The following DNAJC1 variants were observed in gnomAD, a reference collection of about 807,000 sequenced individuals.
DNAJC1 encodes DnaJ heat shock protein family (Hsp40) member C1.
In DNAJC1, 58 loss-of-function variants were observed where a neutral mutation model predicts 76.6. The ratio of observed to expected loss-of-function variants is 0.76; its 90% confidence interval spans 0.61 to 0.94. The LOEUF is 0.94. DNAJC1 is among the 40% of genes least tolerant of loss of function. DNAJC1 has a pLI of 0.00. For synonymous variants in DNAJC1, 258 were observed against 267.9 expected, an observed-to-expected ratio of 0.96 and a Z score of 0.36; for missense variants, 689 against 677.3, an observed-to-expected ratio of 1.02 and a Z score of -0.19.
intron 8 of DNAJC1, among the ~76,000 whole-genome samples, chr10:21,845,249 T>C (rs1189074293): frequency 6.6e-6 from 1 of 152,076 alleles, no homozygotes; most frequent in Non-Finnish European, 1.5e-5. Context: ...TAGATTCTGA[T>C]CTTCCATCAA....
Position 22,003,343 on chromosome 10 carries a change from A to C in DNAJC1, c.92T>G (p.Leu31Arg). Reference protein sequence around the residue: ...PFPPPPPRTPLLWLLLLLLAA... With the variant: ...PFPPPPPRTPRLWLLLLLLAA... Reference sequence around the variant, plus strand: ...CAGCAGCAGCAGCAGCAGCCACAGCAGCGGCGTCCGCGGCGGCGGCGGCGG... The same window carrying C: ...CAGCAGCAGCAGCAGCAGCCACAGCCGCGGCGTCCGCGGCGGCGGCGGCGG... Residue 31 changes from leucine to arginine, a missense_variant, in exon 1 of 12, where the codon CTG becomes CGG. By Grantham distance (102) the Leu-to-Arg change is moderately radical. Coordinates refer to ENST00000376980, the MANE Select transcript of DNAJC1 (RefSeq NM_022365.4). 1 of 1,448,896 alleles carries C rather than the reference A, an allele frequency of 6.9e-7. No homozygotes were observed. The highest frequency in any genetic ancestry group is 1.5e-5 in the African/African-American group (1 of 66,676). 89.8% of individuals were successfully genotyped at this position (1,448,896 alleles called of 1,614,324 possible). A position where few individuals can be genotyped will look rare whatever the true frequency, so the allele number is the denominator to read the frequency against.
Position 21,759,150 on chromosome 10 carries a change from CCT to C in DNAJC1, c.1596+18_1596+19del. ...TGGGATTCTAACACCTGTGCAGAGG[CCT>C]CTTTCCCCATCACTCACCTTGCTCT... On this transcript the variant is annotated intron_variant, in intron 11 of 11. Coordinates refer to ENST00000376980, the MANE Select transcript of DNAJC1 (RefSeq NM_022365.4). 1 of 1,602,916 alleles carries C rather than the reference CCT, an allele frequency of 6.2e-7. No individual in the cohort carries two copies.
intron 1 of DNAJC1, among the ~76,000 whole-genome samples, chr10:21,972,600 T>C (rs1837999344): frequency 6.6e-6 from 1 of 152,044 alleles, no homozygotes. Context: ...GTTAAATTAA[T>C]CTAATACTTT....
chr10:21,936,780 T>C (rs1375720186), intron 1 of DNAJC1, among the ~76,000 whole-genome samples: 1 of 151,646 alleles, frequency 6.6e-6, no homozygotes, highest in Non-Finnish European at 1.5e-5. Context: ...AATATAAAGA[T>C]CTACAGTAAA....
chr10:21,992,431 T>C (rs897534956), intron 1 of DNAJC1, among the ~76,000 whole-genome samples: 2 of 152,138 alleles, frequency 1.3e-5, no homozygotes, highest in Non-Finnish European at 2.9e-5. Context: ...TGCACTCCTG[T>C]AATCCTAGCT....
intron 10 of DNAJC1, among the ~76,000 whole-genome samples, chr10:21,762,964 C>T (rs1215280586): frequency 1.3e-5 from 2 of 152,220 alleles, no homozygotes; most frequent in African/African-American, 2.4e-5. Flanking sequence ...CAGTCTCGCT[C>T]TGTTGCCCAG....
chr10:21,761,641 G>C (rs7910002), intron 10 of DNAJC1, among the ~76,000 whole-genome samples: 102,629 of 151,942 alleles, frequency 0.68, 35,017 homozygotes, highest in East Asian at 0.95. Flanking sequence ...CTGCATTCCT[G>C]GTCTGCTCTG....
chr10:21,881,326 C>G (rs963286597), intron 8 of DNAJC1, among the ~76,000 whole-genome samples: 1 of 152,178 alleles, frequency 6.6e-6, no homozygotes, highest in Non-Finnish European at 1.5e-5. Context: ...AAGAATGTGT[C>G]CTTTGCATTT....
chr10:21,870,248 T>C (rs563037777), intron 8 of DNAJC1, among the ~76,000 whole-genome samples: 1 of 152,192 alleles, frequency 6.6e-6, no homozygotes, highest in Admixed American at 6.5e-5. Context: ...TACTTAACAA[T>C]ATTCATTTGT....
chr10:21,895,316 CGTTAG>C (rs1836524164), intron 7 of DNAJC1, among the ~76,000 whole-genome samples: 1 of 152,018 alleles, frequency 6.6e-6, no homozygotes, highest in Admixed American at 6.6e-5. Context: ...TCTGATAAGG[CGTTAG>C]TTGGAAATGA....
At chr10:21,810,849 A>G (rs1834952438) in intron 8 of DNAJC1, among the ~76,000 whole-genome samples, 1 of 152,118 alleles carries the variant, frequency 6.6e-6, no homozygotes, top group Non-Finnish European at 1.5e-5. Flanking sequence ...ATATAACTGA[A>G]ATTACTGACT....
At chr10:21,887,861 T>G (rs188194655) in intron 7 of DNAJC1, among the ~76,000 whole-genome samples, 52 of 152,002 alleles carry the variant, frequency 3.4e-4, no homozygotes, top group Admixed American at 1.8e-3. Flanking sequence ...CAAAAGCAAT[T>G]GAAACAAAAG....
intron 8 of DNAJC1, among the ~76,000 whole-genome samples, chr10:21,811,932 T>G (rs1259776027): frequency 6.6e-6 from 1 of 152,224 alleles, no homozygotes; most frequent in Admixed American, 6.5e-5. Flanking sequence ...CAGCAATGCA[T>G]GAGCATTCTT....
intron 1 of DNAJC1, among the ~76,000 whole-genome samples, chr10:21,977,599 T>C (rs953105919): frequency 9.8e-5 from 15 of 152,298 alleles, no homozygotes; most frequent in African/African-American, 3.6e-4. Flanking sequence ...TTAGAATTGA[T>C]TCCCAGTGCA....
rs1836970434 is a variant in DNAJC1 at position 21,917,113 on chromosome 10, CAA to C, written c.729+1664_729+1665del. Among the ~76,000 whole-genome samples the C allele has an allele frequency of 3.3e-5, 5 of 152,030 alleles. No individual in the cohort carries two copies. The South Asian group carries it at 1.0e-3, about 32-fold the overall frequency. On this transcript the variant is annotated intron_variant, in intron 6 of 11. Transcript: ENST00000376980. ...TCAAGTAAGTAAAAACTTTAAAATTCAAAGTGATCAGTTAAAAAAAGCAGAGT... is the reference window on the plus strand; with the variant it reads ...TCAAGTAAGTAAAAACTTTAAAATTCAGTGATCAGTTAAAAAAAGCAGAGT...
chr10:21,831,414 T>C (rs537177139), intron 8 of DNAJC1, among the ~76,000 whole-genome samples: 111 of 152,338 alleles, frequency 7.3e-4, no homozygotes, highest in African/African-American at 2.4e-3. Context: ...TTTGAGCTAT[T>C]GTTACTGGTA....
At chr10:21,979,419 A>G (rs1424987363) in intron 1 of DNAJC1, among the ~76,000 whole-genome samples, 1 of 152,112 alleles carries the variant, frequency 6.6e-6, no homozygotes. Context: ...GGATTTTAAG[A>G]ACTATGATGC....
rs969368696 is a variant in DNAJC1, at chr10:21,970,567, T to C, written c.222+32646A>G. The stretch of plus-strand genomic sequence containing the variant: ...AATCCTGTTCAAATATTTGTTACTG[T>C]CCTTCTATAATGAATGTTTTCCTTT... On this transcript the variant is annotated intron_variant, in intron 1 of 11. Coordinates refer to ENST00000376980, the MANE Select transcript of DNAJC1 (RefSeq NM_022365.4). 2.0e-5 allele frequency among the ~76,000 whole-genome samples: 3 copies of C among 152,030 alleles called. 1 individual carries two copies. The highest frequency in any genetic ancestry group is 7.2e-5 in the African/African-American group (3 of 41,444).
intron 1 of DNAJC1, among the ~76,000 whole-genome samples, chr10:21,938,346 TAA>T (rs74419481): frequency 6.9e-6 from 1 of 144,306 alleles, no homozygotes. Context: ...TAAACACACT[TAA>T]AAAAAAAAAA....
Sources: allele counts gnomAD v4.1 joint callset (sites outside exome capture counted in the v4.1 genomes callset), GRCh38; gene constraint gnomAD v4.1.1; transcripts MANE v1.5; gene names NCBI Gene and HGNC (gene_info 2026-07-23, HGNC 2026-07-21).